The following TMEM177 variants were observed in gnomAD, a reference collection of about 807,000 sequenced individuals.
The protein encoded by TMEM177 is transmembrane protein 177.
In TMEM177, 4 loss-of-function variants were observed where a neutral mutation model predicts 14.2. The ratio of observed to expected loss-of-function variants is 0.28; its 90% CI spans 0.14 to 0.64. The LOEUF is 0.64. Ranked by LOEUF, TMEM177 falls within the 30% of genes least tolerant of loss-of-function variation. The probability of loss-of-function intolerance (pLI) is 0.82; values close to 1 mark genes in which losing one functional copy is unlikely to be tolerated. For synonymous variants in TMEM177, 179 were observed against 174.5 expected (o/e 1.03, Z -0.20); for missense variants, 344 against 405.2 (o/e 0.85, Z 1.30).
chr2:119,681,810 T>C lies in TMEM177; in HGVS notation c.*21T>C. On this transcript the variant is annotated 3_prime_UTR_variant, in exon 2 of 2. Coordinates refer to ENST00000272521, the MANE Select transcript of TMEM177 (RefSeq NM_030577.3). ...CCTGATGGGCTCATCACAAGGACAC[T>C]TCCAGCTTGTGCAGACACCACCCTG... 1 of 1,596,932 alleles carries C rather than the reference T, an allele frequency of 6.3e-7. No homozygotes were observed. The highest frequency in any genetic ancestry group is 8.6e-7 in the Non-Finnish European group (1 of 1,168,956).
downstream of TMEM177, among the ~76,000 whole-genome samples, chr2:119,684,616 C>G (rs900904015): frequency 1.3e-5 from 2 of 152,178 alleles, no homozygotes; most frequent in Non-Finnish European, 2.9e-5. Context: ...AGACACAGCC[C>G]CAGCTTCCTA....
At chr2:119,714,068 C>T in the TMEM177 span, among the ~76,000 whole-genome samples, 5 of 152,206 alleles carry the variant, frequency 3.3e-5, no homozygotes, top group African/African-American at 1.2e-4. Flanking sequence ...GTGGCCAAGG[C>T]ACAGAGGGCC....
downstream of TMEM177, chr2:119,686,015 A>C (rs947383819): frequency 6.3e-6 from 2 of 319,016 alleles, no homozygotes; most frequent in Non-Finnish European, 1.1e-5. Flanking sequence ...GCAGGGTGTC[A>C]TGGAGCTCTA....
At chr2:119,711,617 G>A in the TMEM177 span, among the ~76,000 whole-genome samples, 2 of 152,138 alleles carry the variant, frequency 1.3e-5, no homozygotes. Context: ...CCCTTCTGAG[G>A]CTGTCTTCCT....
chr2:119,692,687 G>A, the TMEM177 span, among the ~76,000 whole-genome samples: 10 of 152,202 alleles, frequency 6.6e-5, no homozygotes, highest in Non-Finnish European at 1.2e-4. Flanking sequence ...GAGAAAGGCA[G>A]GTAGGCTGGG....
At chr2:119,710,190 T>C in the TMEM177 span, among the ~76,000 whole-genome samples, 1 of 152,198 alleles carries the variant, frequency 6.6e-6, no homozygotes, top group Non-Finnish European at 1.5e-5. Context: ...ATGTCCCAAC[T>C]CAGCTCTGCT....
At chr2:119,680,797 G>T in intron 1 of TMEM177, 35 bp from the exon 2 acceptor site, 1 of 1,549,234 alleles carries the variant, frequency 6.5e-7, no homozygotes, top group Non-Finnish European at 8.8e-7. Flanking sequence ...GGCTGACCCA[G>T]GGAAACTGGC....
At chr2:119,685,877 GCTCA>G (rs1271268656), downstream of TMEM177, 3 of 580,406 alleles carry the variant, frequency 5.2e-6, no homozygotes, top group African/African-American at 1.9e-5. Flanking sequence ...ACTTTTTCAG[GCTCA>G]CTATTTTTAT....
chr2:119,696,629 C>G, the TMEM177 span, among the ~76,000 whole-genome samples: 1 of 152,112 alleles, frequency 6.6e-6, no homozygotes, highest in African/African-American at 2.4e-5. Context: ...ATGGGAAGGG[C>G]TGGGTATAGG....
the TMEM177 span, among the ~76,000 whole-genome samples, chr2:119,694,052 C>T: frequency 1.9e-4 from 7 of 37,152 alleles, no homozygotes; most frequent in South Asian, 1.4e-3. Flanking sequence ...ACACACATCA[C>T]GCACATGCAA....
At chr2:119,698,604 C>T in the TMEM177 span, 1 of 175,766 alleles carries the variant, frequency 5.7e-6, no homozygotes. Context: ...TCCTAAGTGG[C>T]TTGAGATGAT....
At chr2:119,682,265 C>T (rs2280510), downstream of TMEM177, 118,952 of 154,534 alleles carry the variant, frequency 0.77, 46,406 homozygotes, top group South Asian at 0.84. Context: ...GAATTACAGG[C>T]GTGAGCCACC....
chr2:119,689,734 G>A (rs1216425170), downstream of TMEM177, among the ~76,000 whole-genome samples: 1 of 152,172 alleles, frequency 6.6e-6, no homozygotes, highest in Non-Finnish European at 1.5e-5. Context: ...GGAACAGCCT[G>A]TACCAAGCCA....
At chr2:119,694,065 TACACACAC>T in the TMEM177 span, among the ~76,000 whole-genome samples, 2 of 135,018 alleles carry the variant, frequency 1.5e-5, no homozygotes, top group African/African-American at 3.3e-5. Flanking sequence ...ACATGCAACA[TACACACAC>T]AACATACACA....
downstream of TMEM177, among the ~76,000 whole-genome samples, chr2:119,688,595 A>G (rs1365432816): frequency 2.6e-5 from 4 of 152,240 alleles, no homozygotes; most frequent in African/African-American, 7.2e-5. Context: ...GTAAAAATAC[A>G]GTAGTATTAA....
downstream of TMEM177, among the ~76,000 whole-genome samples, chr2:119,691,081 G>A (rs1689087273): frequency 6.6e-6 from 1 of 152,180 alleles, no homozygotes; most frequent in Non-Finnish European, 1.5e-5. Context: ...GAGGCAGGAA[G>A]GATCTGGAAT....
At chr2:119,708,911 C>T in the TMEM177 span, among the ~76,000 whole-genome samples, 1 of 152,212 alleles carries the variant, frequency 6.6e-6, no homozygotes, top group Admixed American at 6.5e-5. Context: ...TAATGCCCCA[C>T]AGAGGCAAGA....
chr2:119,712,127 T>G, the TMEM177 span, among the ~76,000 whole-genome samples: 1 of 151,936 alleles, frequency 6.6e-6, no homozygotes, highest in Admixed American at 6.6e-5. Flanking sequence ...CACCCCTTGA[T>G]GCGGCTTCCT....
At chr2:119,700,170 A>G in the TMEM177 span, 1 of 198,284 alleles carries the variant, frequency 5.0e-6, no homozygotes, top group South Asian at 1.0e-4. Context: ...TCAGCATAAA[A>G]TAAATGCAAT....
Sources: allele counts gnomAD v4.1 joint callset (sites outside exome capture counted in the v4.1 genomes callset), GRCh38; gene constraint gnomAD v4.1.1; transcripts MANE v1.5; gene names NCBI Gene and HGNC (gene_info 2026-07-23, HGNC 2026-07-21).